The following PFDN1 variants were observed in gnomAD, a reference collection of about 807,000 sequenced individuals.
PFDN1 encodes prefoldin subunit 1.
In PFDN1, 6 loss-of-function variants were observed where a neutral mutation model predicts 17.3. The ratio of observed to expected loss-of-function variants is 0.35; its 90% confidence interval spans 0.19 to 0.69. The LOEUF is 0.69. Among genes scored for constraint, PFDN1 ranks in the 30% least tolerant of loss-of-function variants. The pLI, the probability that PFDN1 is intolerant of heterozygous loss-of-function variation, is 0.65. For missense variants in PFDN1, 113 were observed against 146.2 expected, an observed-to-expected ratio of 0.77 and a Z score of 1.17; for synonymous variants, 58 against 50.1, an observed-to-expected ratio of 1.16 and a Z score of -0.67.
intron 3 of PFDN1, among the ~76,000 whole-genome samples, chr5:140,256,934 A>G (rs956714851): frequency 1.3e-5 from 2 of 151,766 alleles, no homozygotes; most frequent in African/African-American, 4.8e-5. Flanking sequence ...AAAAACCTCT[A>G]ATGGGCCAGG....
intron 3 of PFDN1, among the ~76,000 whole-genome samples, chr5:140,256,658 CAAAAAA>C (rs757723797): frequency 4.3e-4 from 17 of 39,906 alleles, no homozygotes; most frequent in East Asian, 1.3e-3. Context: ...CAAAAAATGA[CAAAAAA>C]AAAAAAAAAA....
At chr5:140,279,443 A>G (rs944807249) in intron 3 of PFDN1, among the ~76,000 whole-genome samples, 1 of 152,058 alleles carries the variant, frequency 6.6e-6, no homozygotes, top group Non-Finnish European at 1.5e-5. Flanking sequence ...AGAACTCAGC[A>G]GTACGGTATT....
intron 3 of PFDN1, among the ~76,000 whole-genome samples, chr5:140,270,001 G>A (rs1765183636): frequency 6.6e-6 from 1 of 152,308 alleles, no homozygotes; most frequent in Non-Finnish European, 1.5e-5. Flanking sequence ...CTGAGCTGAT[G>A]TGTAGCATGC....
chr5:140,268,938 T>C (rs1448589616), intron 3 of PFDN1, among the ~76,000 whole-genome samples: 1 of 152,250 alleles, frequency 6.6e-6, no homozygotes, highest in African/African-American at 2.4e-5. Context: ...TGCCATCACC[T>C]TGAATTACAT....
intron 2 of PFDN1, among the ~76,000 whole-genome samples, chr5:140,289,801 G>A (rs1347143): frequency 0.47 from 71,236 of 151,792 alleles, 16,965 homozygotes; most frequent in South Asian, 0.71. Context: ...TCACCATCTC[G>A]ACTTCAGCTT....
intron 2 of PFDN1, among the ~76,000 whole-genome samples, chr5:140,299,292 G>A (rs903768840): frequency 1.3e-5 from 2 of 152,106 alleles, no homozygotes; most frequent in Non-Finnish European, 2.9e-5. Flanking sequence ...AGACAGAACA[G>A]GAAAGTAAGC....
intron 2 of PFDN1, among the ~76,000 whole-genome samples, chr5:140,297,635 T>C (rs1449500002): frequency 1.3e-5 from 2 of 152,216 alleles, no homozygotes; most frequent in Non-Finnish European, 2.9e-5. Context: ...GTAATTTATA[T>C]GAAATAAACC....
intron 2 of PFDN1, among the ~76,000 whole-genome samples, chr5:140,300,171 C>T (rs1765720908): frequency 6.6e-6 from 1 of 152,058 alleles, no homozygotes; most frequent in African/African-American, 2.4e-5. Context: ...TCCCAAGTAG[C>T]CAAGACTACA....
At chr5:140,275,723 G>C (rs1417894238) in intron 3 of PFDN1, among the ~76,000 whole-genome samples, 2 of 152,120 alleles carry the variant, frequency 1.3e-5, no homozygotes, top group African/African-American at 4.8e-5. Context: ...TGAAAATGGG[G>C]TATCAGGTTA....
intron 2 of PFDN1, among the ~76,000 whole-genome samples, chr5:140,296,499 A>T (rs2126701705): frequency 6.6e-6 from 1 of 152,278 alleles, no homozygotes; most frequent in African/African-American, 2.4e-5. Context: ...AGAGTGAATG[A>T]GTCTGCCCCA....
At chr5:140,259,702 G>A (rs1353917746) in intron 3 of PFDN1, among the ~76,000 whole-genome samples, 1 of 152,186 alleles carries the variant, frequency 6.6e-6, no homozygotes. Context: ...GGAAGTAAGG[G>A]TGACACCTTG....
intron 3 of PFDN1, among the ~76,000 whole-genome samples, chr5:140,272,935 T>A (rs1200103484): frequency 6.6e-6 from 1 of 152,226 alleles, no homozygotes; most frequent in Non-Finnish European, 1.5e-5. Context: ...CTTAGAGCTA[T>A]GCAAGCAGAT....
At chr5:140,290,300 T>G (rs2126698414) in intron 2 of PFDN1, among the ~76,000 whole-genome samples, 1 of 152,278 alleles carries the variant, frequency 6.6e-6, no homozygotes, top group East Asian at 1.9e-4. Context: ...ATTAGAAGAC[T>G]TCTGGAAAGG....
chr5:140,283,641 C>T (rs1016934684), intron 2 of PFDN1, among the ~76,000 whole-genome samples: 5 of 152,144 alleles, frequency 3.3e-5, no homozygotes, highest in Admixed American at 6.6e-5. Flanking sequence ...AGGATTAATT[C>T]CAGGTCTTTT....
intron 3 of PFDN1, among the ~76,000 whole-genome samples, chr5:140,249,348 A>G (rs1218027807): frequency 1.3e-5 from 2 of 152,232 alleles, no homozygotes; most frequent in Admixed American, 6.5e-5. Flanking sequence ...TAGAAAACCA[A>G]GTAGAAAACC....
At chr5:140,278,588 C>CAAAAAAA (rs1378588628) in intron 3 of PFDN1, among the ~76,000 whole-genome samples, 2 of 90,936 alleles carry the variant, frequency 2.2e-5, no homozygotes, top group African/African-American at 4.1e-5. Context: ...AAAAAAAAAA[C>CAAAAAAA]AAAAAACAAA....
At chr5:140,249,141 G>T (rs1014926305) in intron 3 of PFDN1, among the ~76,000 whole-genome samples, 3 of 152,162 alleles carry the variant, frequency 2.0e-5, no homozygotes, top group African/African-American at 7.2e-5. Context: ...CCAGAACAAG[G>T]CACCTGTTGT....
intron 3 of PFDN1, among the ~76,000 whole-genome samples, chr5:140,268,784 T>G (rs1765167297): frequency 1.3e-5 from 2 of 152,244 alleles, no homozygotes; most frequent in Admixed American, 1.3e-4. Flanking sequence ...TTCCTGGGTA[T>G]GTCAATTACA....
chr5:140,260,437 C>T (rs1765047372), intron 3 of PFDN1, among the ~76,000 whole-genome samples: 1 of 151,706 alleles, frequency 6.6e-6, no homozygotes, highest in South Asian at 2.1e-4. Context: ...GGGAAAACAA[C>T]CTAAATGTCC....
Sources: gnomAD v4.1 joint callset for allele counts (sites outside exome capture counted in the v4.1 genomes callset) on GRCh38, gnomAD v4.1.1 for gene constraint, MANE v1.5 for transcripts, NCBI Gene and HGNC (gene_info 2026-07-23, HGNC 2026-07-21) for gene names.